The following NRG1 variants were observed in gnomAD, a reference collection of about 807,000 sequenced individuals.
The protein encoded by NRG1 is pro-neuregulin-1, membrane-bound isoform.
Under a neutral mutation model 63.8 loss-of-function variants are expected in NRG1, and 18 were observed. The observed-to-expected ratio is 0.28, with a 90% CI of 0.19 to 0.42. NRG1 has a LOEUF of 0.42. Ranked by LOEUF, NRG1 falls within the 10% of genes least tolerant of loss-of-function variation. The pLI, the probability that NRG1 is intolerant of heterozygous loss-of-function variation, is 1.00. For synonymous variants in NRG1, 302 were observed against 301.3 expected (o/e 1.00, Z -0.02); for missense variants, 762 against 814.7 (o/e 0.94, Z 0.79).
intron 1 of NRG1, among the ~76,000 whole-genome samples, chr8:32,201,851 A>T (rs1383518663): frequency 6.6e-6 from 1 of 152,242 alleles, no homozygotes; most frequent in Non-Finnish European, 1.5e-5. Flanking sequence ...ATATGGCATC[A>T]GTTGAAGGGA....
intron 1 of NRG1, among the ~76,000 whole-genome samples, chr8:32,213,311 A>G (rs1844876050): frequency 6.6e-6 from 1 of 152,210 alleles, no homozygotes; most frequent in Admixed American, 6.5e-5. Flanking sequence ...TATCCTTTGC[A>G]GGGACATGGA....
At chr8:31,954,951 A>G (rs1220335925) in intron 1 of NRG1, among the ~76,000 whole-genome samples, 1 of 152,152 alleles carries the variant, frequency 6.6e-6, no homozygotes, top group East Asian at 1.9e-4. Flanking sequence ...ACTAAAGGAG[A>G]ATATTTCTTA....
At position 32,087,779 on chromosome 8, in the gene NRG1, A is replaced by G. The variant is rs528421998; in HGVS notation, c.37+448348A>G. 2.6e-5 allele frequency among the ~76,000 whole-genome samples: 4 copies of G among 152,104 alleles called. No homozygotes were observed. The South Asian group carries it at 8.3e-4, about 32-fold the overall frequency. ...GCGCTGCGCCTAACCATATTTCTTT[A>G]TAGTAATGCAAATGGCCTAACACAC... is the stretch of plus-strand genomic sequence containing the variant. On this transcript the variant is annotated intron_variant, in intron 1 of 10. Coordinates refer to the NRG1 transcript ENST00000519301.
chr8:32,646,985 C>T (rs1853692561), intron 5 of NRG1: 5 of 984,022 alleles, frequency 5.1e-6, no homozygotes, highest in Admixed American at 6.2e-5. Flanking sequence ...AGAGAAGAGC[C>T]GCAGAGGAAG....
At chr8:32,478,133 A>C (rs750392259) in intron 1 of NRG1, among the ~76,000 whole-genome samples, 6 of 152,260 alleles carry the variant, frequency 3.9e-5, no homozygotes, top group Non-Finnish European at 8.8e-5. Flanking sequence ...CAACAATACC[A>C]ACCAGCAGTT....
At chr8:31,734,023 C>A (rs1239819817) in intron 1 of NRG1, among the ~76,000 whole-genome samples, 1 of 152,098 alleles carries the variant, frequency 6.6e-6, no homozygotes, top group Non-Finnish European at 1.5e-5. Context: ...CCATCCCTGC[C>A]ATGTGTGTGC....
chr8:32,214,774 C>T (rs1475492562), intron 1 of NRG1, among the ~76,000 whole-genome samples: 1 of 152,206 alleles, frequency 6.6e-6, no homozygotes, highest in African/African-American at 2.4e-5. Context: ...TGGGTGCCTC[C>T]TCTGCTCTAA....
At chr8:32,292,655 A>G (rs920510045) in intron 1 of NRG1, among the ~76,000 whole-genome samples, 2 of 152,220 alleles carry the variant, frequency 1.3e-5, no homozygotes, top group Non-Finnish European at 2.9e-5. Context: ...TGAGAACTTT[A>G]AACTAAATGG....
intron 1 of NRG1, among the ~76,000 whole-genome samples, chr8:31,773,716 C>T (rs1225038279): frequency 6.6e-6 from 1 of 152,186 alleles, no homozygotes; most frequent in Non-Finnish European, 1.5e-5. Context: ...GGTCTTCTCT[C>T]TCCATATATA....
intron 1 of NRG1, among the ~76,000 whole-genome samples, chr8:32,521,577 A>C (rs1162144913): frequency 6.6e-6 from 1 of 152,206 alleles, no homozygotes; most frequent in Admixed American, 6.5e-5. Flanking sequence ...AAGACAGAGA[A>C]GGTATATTAA....
At chr8:32,763,726 A>AG in intron 11 of NRG1, 22 bp from the exon 12 acceptor site, 4 of 1,522,412 alleles carry the variant, frequency 2.6e-6, no homozygotes, top group Non-Finnish European at 3.5e-6. Context: ...ACACTTATGC[A>AG]GGGTATTCTG....
intron 1 of NRG1, among the ~76,000 whole-genome samples, chr8:31,691,673 A>G (rs1057451800): frequency 4.0e-5 from 6 of 150,092 alleles, no homozygotes; most frequent in Non-Finnish European, 5.9e-5. Context: ...AATAACCGTT[A>G]ATTTTAATAA....
At chr8:32,030,182 T>C (rs535863063) in intron 1 of NRG1, among the ~76,000 whole-genome samples, 2 of 152,352 alleles carry the variant, frequency 1.3e-5, no homozygotes, top group South Asian at 4.1e-4. Context: ...ATCTTCATTC[T>C]CTAGATCTGT....
At chr8:31,737,745 G>C (rs1044927012) in intron 1 of NRG1, among the ~76,000 whole-genome samples, 1 of 152,078 alleles carries the variant, frequency 6.6e-6, no homozygotes, top group Non-Finnish European at 1.5e-5. Flanking sequence ...TCATGCCTGA[G>C]GGAAATTGTC....
intron 1 of NRG1, among the ~76,000 whole-genome samples, chr8:31,912,566 C>CTTT (rs3052846): frequency 4.0e-4 from 42 of 105,578 alleles, no homozygotes; most frequent in African/African-American, 7.2e-4. Flanking sequence ...TTTAGAAATG[C>CTTT]TTTTTTTTTT....
At chr8:32,270,286 G>A (rs1005517829) in intron 1 of NRG1, among the ~76,000 whole-genome samples, 1 of 152,316 alleles carries the variant, frequency 6.6e-6, no homozygotes, top group South Asian at 2.1e-4. Context: ...AGCCGTCAAG[G>A]AGGGATCAGA....
chr8:32,342,191 TA>T (rs1440594636), intron 1 of NRG1, among the ~76,000 whole-genome samples: 1 of 152,184 alleles, frequency 6.6e-6, no homozygotes, highest in Non-Finnish European at 1.5e-5. Context: ...CTGGGCAGAA[TA>T]AAAAATGTCT....
intron 5 of NRG1, among the ~76,000 whole-genome samples, chr8:32,661,799 C>T (rs1215974231): frequency 1.3e-5 from 2 of 152,050 alleles, no homozygotes; most frequent in African/African-American, 4.8e-5. Context: ...AAATCATATA[C>T]TATCTTAGCA....
At chr8:32,213,832 T>C (rs1844935635) in intron 1 of NRG1, among the ~76,000 whole-genome samples, 2 of 152,094 alleles carry the variant, frequency 1.3e-5, no homozygotes, top group African/African-American at 4.8e-5. Flanking sequence ...AGTGTGTGCA[T>C]TGGGCTCACA....
Sources: gnomAD v4.1 joint callset for allele counts (sites outside exome capture counted in the v4.1 genomes callset) on GRCh38, gnomAD v4.1.1 for gene constraint, MANE v1.5 for transcripts, NCBI Gene and HGNC (gene_info 2026-07-23, HGNC 2026-07-21) for gene names.